ATP2B1: variants seen among roughly 807,000 people sequenced by gnomAD.
The protein encoded by ATP2B1 is ATPase plasma membrane Ca2+ transporting 1, also known as plasma membrane calcium-transporting ATPase 1.
ATP2B1 carries 14 observed loss-of-function variants against 124.2 expected under a neutral mutation model. That is an observed-to-expected ratio of 0.11 (90% CI 0.07 to 0.18). ATP2B1 has a LOEUF of 0.18. Ranked by LOEUF, ATP2B1 falls within the 10% of genes least tolerant of loss-of-function variation. The probability of loss-of-function intolerance (pLI) is 1.00; values close to 1 mark genes in which losing one functional copy is unlikely to be tolerated. For synonymous variants in ATP2B1, 449 were observed against 492.4 expected (o/e 0.91, Z 1.17); for missense variants, 763 against 1,466.1 (o/e 0.52, Z 7.83).
At chr12:89,635,302 A>G in intron 3 of ATP2B1, 51 bp from the exon 4 acceptor site, 1 of 1,570,520 alleles carries the variant, frequency 6.4e-7, no homozygotes, top group Non-Finnish European at 8.6e-7. Flanking sequence ...AATTGATGAC[A>G]ACATACATAT....
rs1453094035 is a variant in ATP2B1 at position 89,589,162 on chromosome 12, G to A, written c.*1822C>T. On this transcript the variant is annotated 3_prime_UTR_variant, in exon 21 of 21. Coordinates refer to ENST00000428670, the MANE Select transcript of ATP2B1 (RefSeq NM_001366521.1). Reference sequence around the variant, plus strand: ...AGGATTACTGCAAAGATTTGATGGTGAGAAAAAGATTTCCCCCACCCACCA... The same window carrying A: ...AGGATTACTGCAAAGATTTGATGGTAAGAAAAAGATTTCCCCCACCCACCA... 6.6e-6 allele frequency: 1 copy of A among 152,564 alleles called. No homozygotes were observed. The highest frequency in any genetic ancestry group is 2.4e-5 in the African/African-American group (1 of 41,446). 9.5% of individuals were successfully genotyped at this position (152,564 alleles called of 1,614,324 possible).
intron 2 of ATP2B1, among the ~76,000 whole-genome samples, chr12:89,650,885 A>G (rs181496899): frequency 6.6e-6 from 1 of 152,340 alleles, no homozygotes; most frequent in East Asian, 1.9e-4. Context: ...AAGAAAGTCA[A>G]TGCAGGAAAA....
At chr12:89,635,290 T>A in intron 3 of ATP2B1, 39 bp from the exon 4 acceptor site, 1 of 1,590,644 alleles carries the variant, frequency 6.3e-7, no homozygotes, top group Non-Finnish European at 8.5e-7. Context: ...AAAAAGATTC[T>A]GAATTGATGA....
intron 2 of ATP2B1, among the ~76,000 whole-genome samples, chr12:89,644,646 T>A (rs1424815616): frequency 6.6e-6 from 1 of 152,072 alleles, no homozygotes; most frequent in Non-Finnish European, 1.5e-5. Context: ...GTAATAAGGA[T>A]GAGATTAGTC....
At chr12:89,620,289 G>T in intron 10 of ATP2B1, 49 bp from the exon 11 acceptor site, 2 of 1,587,538 alleles carry the variant, frequency 1.3e-6, no homozygotes, top group Admixed American at 3.5e-5. Context: ...CTCTAAGAAC[G>T]TTTAATTTAT....
intron 19 of ATP2B1, among the ~76,000 whole-genome samples, chr12:89,600,928 C>T (rs1365207976): frequency 1.3e-5 from 2 of 152,208 alleles, no homozygotes; most frequent in East Asian, 3.9e-4. Flanking sequence ...GGATTACAGG[C>T]GTGAGCCACC....
rs1280230470 is a variant in ATP2B1, at chr12:89,591,043, T to C, written c.3604A>G (p.Lys1202Glu). The change falls in exon 21 of 21, where the codon AAG (lysine) becomes GAG (glutamate). Residue 1202 changes from lysine to glutamate, a missense_variant. Coordinates refer to ENST00000428670, the MANE Select transcript of ATP2B1 (RefSeq NM_001366521.1). ...SGIHLTIEMNKSATSSSPGSP... is the reference protein window; with the variant it reads ...SGIHLTIEMNESATSSSPGSP... ...CCTGGGGATGAAGAGGTAGCAGACT[T>C]GTTCATTTCTATTGTAAGGTGAATT... The C allele has an allele frequency of 6.2e-7, 1 of 1,613,154 alleles. No individual in the cohort carries two copies. Among genetic ancestry groups the C allele is most frequent in the Non-Finnish European group, 8.5e-7 (1 of 1,179,324 alleles).
chr12:89,603,183 T>A lies in ATP2B1; in HGVS notation c.2920A>T (p.Ile974Phe), dbSNP rs1399789867. 10 of 1,613,714 alleles carry A rather than the reference T, an allele frequency of 6.2e-6. No individual in the cohort carries two copies. Among genetic ancestry groups the A allele is most frequent in the Non-Finnish European group, 8.5e-6 (10 of 1,179,848 alleles). ...LHAPPSEHYT[I>F]VFNTFVLMQL... Reference sequence around the variant, plus strand: ...ATCAGCACAAAGGTATTAAAAACAATAGTATAATGTTCTGAAGGAGGAGCA... The same window carrying A: ...ATCAGCACAAAGGTATTAAAAACAAAAGTATAATGTTCTGAAGGAGGAGCA... The change falls in exon 18 of 21, where the codon ATT (isoleucine) becomes TTT (phenylalanine). Residue 974 changes from isoleucine to phenylalanine, a missense_variant. This residue lies in a region of ATP2B1 where 118 missense variants were observed against 240.3 expected (regional missense o/e 0.49). Transcript: ENST00000428670. This position sits in a 1 kb window ranked among gnomAD's most constrained non-coding sequence, Gnocchi z 4.3.
chr12:89,653,103 T>G (rs1459786885), intron 2 of ATP2B1, among the ~76,000 whole-genome samples: 1 of 152,056 alleles, frequency 6.6e-6, no homozygotes, highest in Non-Finnish European at 1.5e-5. Flanking sequence ...TTTAAAATAT[T>G]TCAAAAAAAC....
At chr12:89,632,302 T>C (rs1882003996) in intron 5 of ATP2B1, among the ~76,000 whole-genome samples, 1 of 152,206 alleles carries the variant, frequency 6.6e-6, no homozygotes, top group South Asian at 2.1e-4. Context: ...CTTACTCAAG[T>C]ATTTAAGAAT....
At chr12:89,594,605 AC>A (rs1478263140) in intron 20 of ATP2B1, 51 of 151,184 alleles carry the variant, frequency 3.4e-4, no homozygotes, top group African/African-American at 1.2e-3. Flanking sequence ...AAAAAAAAAA[AC>A]AAAAATACTG....
intron 20 of ATP2B1, among the ~76,000 whole-genome samples, chr12:89,597,111 A>C (rs867980966): frequency 2.6e-5 from 4 of 152,112 alleles, no homozygotes; most frequent in African/African-American, 4.8e-5. Flanking sequence ...GTTCCAGCAT[A>C]GTTCTGACAC....
intron 1 of ATP2B1, among the ~76,000 whole-genome samples, chr12:89,677,971 T>TATATATACAC (rs1461216851): frequency 1.9e-5 from 1 of 52,308 alleles, no homozygotes; most frequent in African/African-American, 7.0e-5. Context: ...TATATATATA[T>TATATATACAC]ACACACACAC....
At chr12:89,654,344 T>C (rs1565877422) in intron 2 of ATP2B1, among the ~76,000 whole-genome samples, 2 of 152,240 alleles carry the variant, frequency 1.3e-5, no homozygotes, top group Non-Finnish European at 1.5e-5. Context: ...AATGTATTAA[T>C]AGTTGGGATC....
intron 1 of ATP2B1, among the ~76,000 whole-genome samples, chr12:89,691,712 G>C (rs1890575571): frequency 6.6e-6 from 1 of 152,068 alleles, no homozygotes; most frequent in Non-Finnish European, 1.5e-5. Flanking sequence ...ATAAACTTAA[G>C]AGCCATATTT....
At chr12:89,595,838 T>A (rs754169496) in intron 20 of ATP2B1, among the ~76,000 whole-genome samples, 1 of 151,982 alleles carries the variant, frequency 6.6e-6, no homozygotes, top group Non-Finnish European at 1.5e-5. Flanking sequence ...TCCAAGAACA[T>A]AGGACACAGA....
chr12:89,666,600 CACT>C (rs1254496506), intron 1 of ATP2B1, among the ~76,000 whole-genome samples: 1 of 152,190 alleles, frequency 6.6e-6, no homozygotes, highest in African/African-American at 2.4e-5. Context: ...TCTTATGTCT[CACT>C]TGCTCTTTAT....
chr12:89,705,574 T>C (rs1400018465), intron 1 of ATP2B1, among the ~76,000 whole-genome samples: 3 of 152,148 alleles, frequency 2.0e-5, no homozygotes, highest in Admixed American at 6.5e-5. Flanking sequence ...TCATTTCCCA[T>C]GGTAAGAGAC....
At chr12:89,665,463 TTGTTC>T (rs1887199228) in intron 1 of ATP2B1, among the ~76,000 whole-genome samples, 1 of 152,200 alleles carries the variant, frequency 6.6e-6, no homozygotes. Flanking sequence ...TCCTATTCTA[TTGTTC>T]TATTTAGGCA....
Sources: gnomAD v4.1 joint callset for allele counts (sites outside exome capture counted in the v4.1 genomes callset) on GRCh38, gnomAD v4.1.1 for gene constraint, gnomAD v4.1.1 regional missense constraint, Gnocchi (gnomAD v3.1) non-coding constraint, MANE v1.5 for transcripts, NCBI Gene and HGNC (gene_info 2026-07-23, HGNC 2026-07-21) for gene names.